LYST: variants seen among roughly 807,000 people sequenced by gnomAD.
The protein encoded by LYST is lysosomal-trafficking regulator.
Under a neutral mutation model 413.6 loss-of-function variants are expected in LYST, and 192 were observed. The ratio of observed to expected loss-of-function variants is 0.46; its 90% CI spans 0.41 to 0.52. The LOEUF (loss-of-function observed/expected upper bound fraction) is 0.52, where lower values mean the gene tolerates loss of function less well. Ranked by LOEUF, LYST falls within the 20% of genes least tolerant of loss-of-function variation. The probability of loss-of-function intolerance (pLI) is 0.00; values close to 1 mark genes in which losing one functional copy is unlikely to be tolerated. For synonymous variants in LYST, 1,525 were observed against 1,567.3 expected (o/e 0.97, Z 0.64); for missense variants, 3,815 against 4,499.9 (o/e 0.85, Z 4.35).
At chr1:235,852,345 C>T (rs1056850722) in intron 1 of LYST, among the ~76,000 whole-genome samples, 2 of 152,156 alleles carry the variant, frequency 1.3e-5, no homozygotes, top group South Asian at 4.1e-4. Context: ...AGAAGAGATT[C>T]CTGTACCTCA....
At position 235,697,137 on chromosome 1, in the gene LYST, T is replaced by C. The variant is rs1220780574; in HGVS notation, c.10510A>G (p.Ile3504Val). The C allele has an allele frequency of 4.3e-6, 7 of 1,614,086 alleles. No individual in the cohort carries two copies. The highest frequency in any genetic ancestry group is 1.6e-4 in the Middle Eastern group (1 of 6,084). ...GSLQALPTRAICGLSRNFCLL... is the reference protein window; with the variant it reads ...GSLQALPTRAVCGLSRNFCLL... ...CAGAAATTCCGTGACAAACCACAGA[T>C]TGCTCTGGTGGGCAGAGCCTGGAGA... Residue 3504 changes from isoleucine to valine, a missense_variant, in exon 46 of 53, where the codon ATC becomes GTC. By Grantham distance (29) the Ile-to-Val change is conservative. Coordinates refer to ENST00000389793, the MANE Select transcript of LYST (RefSeq NM_000081.4).
At chr1:235,778,122 T>TATATATATATATATATATA (rs1558230944) in intron 16 of LYST, among the ~76,000 whole-genome samples, 7 of 144,802 alleles carry the variant, frequency 4.8e-5, no homozygotes, top group African/African-American at 1.6e-4. Context: ...TATATATATA[T>TATATATATATATATATATA]TTTTGTAGAG....
chr1:235,863,158 C>T (rs75211253), intron 1 of LYST, among the ~76,000 whole-genome samples: 9,508 of 151,796 alleles, frequency 0.063, 989 homozygotes, highest in African/African-American at 0.22. Flanking sequence ...AGTTGGGGGC[C>T]GAGGAGGGCA....
rs1001282140 is a variant in LYST, at chr1:235,830,143, A to G, written c.192+83T>C. On this transcript the variant is annotated intron_variant, in intron 3 of 52. Coordinates refer to ENST00000389793, the MANE Select transcript of LYST (RefSeq NM_000081.4). ...CTGGACTTTATCTCAAGGAGGCTTC[A>G]GAAACTATGTAATCCAAAACCATGT... 5.6e-6 allele frequency: 6 copies of G among 1,071,354 alleles called. No homozygotes were observed. The African/African-American group carries it at 6.4e-5, about 11-fold the overall frequency. The allele number at this position is 1,071,354 out of a possible 1,614,324, so 66.4% of individuals were successfully genotyped here. A position where few individuals can be genotyped will look rare whatever the true frequency, so the allele number is the denominator to read the frequency against.
chr1:235,865,523 T>C (rs1199955165), intron 1 of LYST, among the ~76,000 whole-genome samples: 3 of 152,190 alleles, frequency 2.0e-5, no homozygotes, highest in Non-Finnish European at 4.4e-5. Context: ...TATAATTATA[T>C]AGTTTGTGAA....
chr1:235,689,919 T>C (rs1660520033), intron 47 of LYST, among the ~76,000 whole-genome samples: 1 of 152,242 alleles, frequency 6.6e-6, no homozygotes, highest in Non-Finnish European at 1.5e-5. Flanking sequence ...TAAATGCTTG[T>C]CTTTGTACTG....
At chr1:235,781,269 A>C (rs1360311830) in intron 15 of LYST, among the ~76,000 whole-genome samples, 1 of 152,190 alleles carries the variant, frequency 6.6e-6, no homozygotes, top group African/African-American at 2.4e-5. Flanking sequence ...ATATAAAGTT[A>C]ATTGTGAAGC....
Position 235,704,923 on chromosome 1 carries a change from C to A in LYST, c.10144-1946G>T, listed in dbSNP as rs527535531. 7.4e-4 allele frequency among the ~76,000 whole-genome samples: 113 copies of A among 152,330 alleles called. 1 individual carries two copies. Among genetic ancestry groups the A allele is most frequent in the African/African-American group, 2.6e-3 (109 of 41,584 alleles). On this transcript the variant is annotated intron_variant, in intron 44 of 52. Transcript: ENST00000389793. ...TTTATTTTAAAATAGTGCTTTTCAA[C>A]ATTCTGTGGTATTCATTTCTAAGTG...
chr1:235,848,794 C>T (rs1678187847), intron 1 of LYST, among the ~76,000 whole-genome samples: 4 of 151,886 alleles, frequency 2.6e-5, no homozygotes, highest in Admixed American at 2.0e-4. Context: ...GGATACATTC[C>T]TGGAAAAATA....
intron 13 of LYST, 146 bp from the exon 14 acceptor site, chr1:235,787,519 T>G (rs1670549580): frequency 1.4e-6 from 1 of 701,322 alleles, no homozygotes. Flanking sequence ...TCAGTAGGTC[T>G]TCGTTTTATA....
rs759560536 is a variant in LYST at position 235,746,337 on chromosome 1, T to C, written c.7971A>G (p.Gln2657=). ...TVLAVNRIIY[Q]EFNSDIIDIL... is the part of the protein sequence containing the mutation. ...AACAAACTAATCCTATAGTCTTACC[T>C]TGATAAATAATCCTGTTGACTGCTA... The change falls in exon 29 of 53, where the codon CAA becomes CAG. Residue 2657 remains glutamine, a splice_region_variant and synonymous_variant. Transcript: ENST00000389793. 2.1e-5 allele frequency: 34 copies of C among 1,612,900 alleles called. No individual in the cohort carries two copies. The highest frequency in any genetic ancestry group is 2.7e-5 in the Non-Finnish European group (32 of 1,179,030).
Position 235,697,187 on chromosome 1 carries a change from T to C in LYST, c.10460A>G (p.Gln3487Arg). ...SAPVPVVCFS[Q>R]PHGERFGSLQ... is the part of the protein sequence containing the mutation. ...AGAGCCAAATCTTTCTCCGTGGGGC[T>C]GGCTGAAGCAGACCACAGGTACTGG... The change falls in exon 46 of 53, where the codon CAG becomes CGG. Residue 3487 changes from glutamine to arginine, a missense_variant. By Grantham distance (43) the Gln-to-Arg change is conservative (BLOSUM62 1). Around this residue, in one of 4 missense-constraint regions of LYST, gnomAD observed 866 missense variants for 1,156.0 expected, o/e 0.75. Transcript: ENST00000389793. 6.2e-7 allele frequency: 1 copy of C among 1,614,198 alleles called. No individual in the cohort carries two copies. The highest frequency in any genetic ancestry group is 8.5e-7 in the Non-Finnish European group (1 of 1,180,012).
At chr1:235,850,709 G>C (rs557604741) in intron 1 of LYST, among the ~76,000 whole-genome samples, 98 of 152,196 alleles carry the variant, frequency 6.4e-4, no homozygotes, top group African/African-American at 2.1e-3. Context: ...CAAAAAGTGG[G>C]CTAAGGACAT....
intron 20 of LYST, among the ~76,000 whole-genome samples, chr1:235,769,337 A>C (rs1184481224): frequency 1.3e-5 from 2 of 152,062 alleles, no homozygotes; most frequent in Non-Finnish European, 2.9e-5. Context: ...TGAGTACCAT[A>C]AGATGAAGCT....
At chr1:235,675,187 C>T (rs1035385638) in intron 50 of LYST, among the ~76,000 whole-genome samples, 2 of 152,154 alleles carry the variant, frequency 1.3e-5, no homozygotes, top group East Asian at 1.9e-4. Context: ...CTGTAAACAG[C>T]CCCCACCCTT....
chr1:235,873,434 C>G (rs1681021508), intron 1 of LYST, among the ~76,000 whole-genome samples: 1 of 152,140 alleles, frequency 6.6e-6, no homozygotes, highest in Middle Eastern at 3.2e-3. Context: ...AACTCAAACA[C>G]TAGACAAATA....
chr1:235,819,803 G>A lies in LYST; in HGVS notation c.193-6742C>T, dbSNP rs902608098. Among the ~76,000 whole-genome samples, 28 of 152,174 alleles carry A rather than the reference G, an allele frequency of 1.8e-4. 1 individual carries two copies. Among genetic ancestry groups the A allele is most frequent in the Admixed American group, 1.2e-3 (19 of 15,292 alleles). On this transcript the variant is annotated intron_variant, in intron 3 of 52. Transcript: ENST00000389793. ...TGGGATTACAAGTGCCTGCCACCAC[G>A]CCCAGCTAATCTTTTCGTAATTTTA...
At position 235,802,217 on chromosome 1, in the gene LYST, A is replaced by AC. The variant is rs1435804274; in HGVS notation, c.3712+690_3712+691insG. Among the ~76,000 whole-genome samples the AC allele has an allele frequency of 8.6e-4, 129 of 149,300 alleles. 1 individual carries two copies. Among genetic ancestry groups the AC allele is most frequent in the African/African-American group, 3.2e-3 (125 of 39,356 alleles). ...TCAAAAAAAAAAAAAAAAAAAAAAA[A>AC]AAACTAGCAGTACTGGGACACTCAC... On this transcript the variant is annotated intron_variant, in intron 8 of 52. Transcript: ENST00000389793.
In LYST at chr1:235,810,512, T is replaced by A. The variant is rs893709198; in HGVS notation, c.306A>T (p.Ala102=). Reference sequence around the variant, plus strand: ...TCTTTTCTTTGGTCAGGATTATATCTGCTGAGAGCGGTAGGTTAAAATCTA... The same window carrying A: ...TCTTTTCTTTGGTCAGGATTATATCAGCTGAGAGCGGTAGGTTAAAATCTA... ...KATDFNLPLS[A]DIILTKEKNS... Residue 102 remains alanine (A), a synonymous_variant, in exon 5 of 53, where the codon GCA becomes GCT. Coordinates refer to ENST00000389793, the MANE Select transcript of LYST (RefSeq NM_000081.4). The A allele has an allele frequency of 6.2e-7, 1 of 1,612,238 alleles. No individual in the cohort carries two copies. The highest frequency in any genetic ancestry group is 1.3e-5 in the African/African-American group (1 of 74,920).
Sources: allele counts gnomAD v4.1 joint callset (sites outside exome capture counted in the v4.1 genomes callset), GRCh38; gene constraint gnomAD v4.1.1; regional missense constraint gnomAD v4.1.1; transcripts MANE v1.5; gene names NCBI Gene and HGNC (gene_info 2026-07-23, HGNC 2026-07-21).